Variants in SPHKAP observed in about 807,000 individuals in gnomAD.
SPHKAP encodes the protein A-kinase anchor protein SPHKAP.
Under a neutral mutation model 137.5 loss-of-function variants are expected in SPHKAP, and 67 were observed. That is an observed-to-expected ratio of 0.49 (90% CI 0.40 to 0.60). The LOEUF is 0.60. Among genes scored for constraint, SPHKAP ranks in the 20% least tolerant of loss-of-function variants. The pLI, the probability that SPHKAP is intolerant of heterozygous loss-of-function variation, is 0.00. For synonymous variants in SPHKAP, 813 were observed against 785.3 expected, an observed-to-expected ratio of 1.04 and a Z score of -0.59; for missense variants, 2,097 against 2,069.3, an observed-to-expected ratio of 1.01 and a Z score of -0.26.
chr2:228,094,621 G>A (rs1057441550), intron 3 of SPHKAP, among the ~76,000 whole-genome samples: 3 of 152,060 alleles, frequency 2.0e-5, no homozygotes, highest in Non-Finnish European at 2.9e-5. Flanking sequence ...GGCATTTTGC[G>A]TGCCGTTTAA....
chr2:228,011,229 CTTT>C (rs34531138), intron 7 of SPHKAP, among the ~76,000 whole-genome samples: 3,772 of 145,750 alleles, frequency 0.026, 110 homozygotes, highest in African/African-American at 0.073. Flanking sequence ...TCAAAGATGC[CTTT>C]TTTTTTTTTT....
In SPHKAP at chr2:228,018,355, T is replaced by C; in HGVS notation, c.2499A>G (p.Ile833Met). 1.2e-6 allele frequency: 2 copies of C among 1,614,194 alleles called. No homozygotes were observed. Among genetic ancestry groups the C allele is most frequent in the South Asian group, 1.1e-5 (1 of 91,084 alleles). ...SSTATTSSKEIYLKGIAGEDT... is the reference protein window; with the variant it reads ...SSTATTSSKEMYLKGIAGEDT... Reference sequence around the variant, plus strand: ...CCTCTCCTGCTATTCCTTTCAGATATATTTCCTTGGAGGATGTTGTAGCAG... The same window carrying C: ...CCTCTCCTGCTATTCCTTTCAGATACATTTCCTTGGAGGATGTTGTAGCAG... Residue 833 changes from isoleucine to methionine, a missense_variant, in exon 7 of 12, where the codon ATA becomes ATG. Coordinates refer to ENST00000392056, the MANE Select transcript of SPHKAP (RefSeq NM_001142644.2).
chr2:228,005,380 CT>C (rs1185935801), intron 7 of SPHKAP, among the ~76,000 whole-genome samples: 1 of 152,080 alleles, frequency 6.6e-6, no homozygotes, highest in East Asian at 1.9e-4. Flanking sequence ...TAACCCCTGC[CT>C]TTTTTTGTTT....
chr2:228,107,124 G>A (rs191610901), intron 3 of SPHKAP, among the ~76,000 whole-genome samples: 17 of 151,718 alleles, frequency 1.1e-4, no homozygotes, highest in Admixed American at 8.5e-4. Context: ...CATTTTTCAA[G>A]AATACAACAT....
At chr2:228,092,101 G>A (rs1361768832) in intron 3 of SPHKAP, among the ~76,000 whole-genome samples, 3 of 146,566 alleles carry the variant, frequency 2.0e-5, no homozygotes, top group Non-Finnish European at 3.0e-5. Flanking sequence ...GTGTATATAT[G>A]TATATATACA....
At chr2:228,033,057 T>A (rs967416204) in intron 3 of SPHKAP, among the ~76,000 whole-genome samples, 2 of 152,088 alleles carry the variant, frequency 1.3e-5, no homozygotes, top group Non-Finnish European at 2.9e-5. Flanking sequence ...ATGGGCTAAA[T>A]GCTCAAATTA....
chr2:228,020,701 GA>G (rs1407938448), intron 6 of SPHKAP, among the ~76,000 whole-genome samples: 1 of 151,966 alleles, frequency 6.6e-6, no homozygotes, highest in Non-Finnish European at 1.5e-5. Flanking sequence ...ATGTAGCCTA[GA>G]ACTTAAAGTA....
chr2:228,141,696 A>G (rs940099815), intron 1 of SPHKAP, among the ~76,000 whole-genome samples: 3 of 152,180 alleles, frequency 2.0e-5, no homozygotes, highest in Admixed American at 2.0e-4. Context: ...AGACAATACA[A>G]AGATGCAGCC....
At chr2:228,168,054 T>A (rs1700472224) in intron 1 of SPHKAP, among the ~76,000 whole-genome samples, 1 of 152,082 alleles carries the variant, frequency 6.6e-6, no homozygotes, top group South Asian at 2.1e-4. Context: ...CTAACAAAAC[T>A]TTAGCATTCT....
intron 1 of SPHKAP, among the ~76,000 whole-genome samples, chr2:228,163,728 G>T (rs747071520): frequency 6.6e-6 from 1 of 152,152 alleles, no homozygotes. Context: ...CTTCTTATTT[G>T]CATGACGTAT....
At chr2:228,144,710 C>T (rs1373716584) in intron 1 of SPHKAP, among the ~76,000 whole-genome samples, 1 of 152,062 alleles carries the variant, frequency 6.6e-6, no homozygotes, top group Non-Finnish European at 1.5e-5. Context: ...CTTAAGAGTT[C>T]TGAGGAAATT....
intron 1 of SPHKAP, among the ~76,000 whole-genome samples, chr2:228,157,903 C>G (rs1305300108): frequency 6.6e-6 from 1 of 152,112 alleles, no homozygotes; most frequent in Admixed American, 6.5e-5. Context: ...ACCAAGGAAA[C>G]AAGGCACCAA....
chr2:227,995,722 G>C (rs770422997), intron 7 of SPHKAP, 28 bp from the exon 8 acceptor site: 2 of 1,527,776 alleles, frequency 1.3e-6, no homozygotes, highest in Non-Finnish European at 1.7e-6. Flanking sequence ...TTATTACCAA[G>C]AGAGGCAGCA....
In SPHKAP at chr2:227,995,061, C is replaced by T. The variant is rs143572493; in HGVS notation, c.4634+448G>A. Among the ~76,000 whole-genome samples the T allele has an allele frequency of 3.9e-3, 601 of 152,272 alleles. 4 individuals carry two copies. The highest frequency in any genetic ancestry group is 0.014 in the African/African-American group (562 of 41,560). On this transcript the variant is annotated intron_variant, in intron 8 of 11. Coordinates refer to ENST00000392056, the MANE Select transcript of SPHKAP (RefSeq NM_001142644.2). The stretch of plus-strand genomic sequence containing the variant: ...CTCTAGCTTTTTGGGAGGAACAATA[C>T]AGAGGGCAGGGGAGATAGAGGGAGG...
chr2:228,081,593 T>G (rs1253666187), intron 3 of SPHKAP, among the ~76,000 whole-genome samples: 2 of 152,184 alleles, frequency 1.3e-5, no homozygotes, highest in Non-Finnish European at 2.9e-5. Context: ...GTATGTATAC[T>G]TAATGGAATA....
intron 2 of SPHKAP, among the ~76,000 whole-genome samples, chr2:228,127,138 G>T (rs910139438): frequency 6.6e-6 from 1 of 152,162 alleles, no homozygotes; most frequent in Non-Finnish European, 1.5e-5. Context: ...TGTGAAGAGT[G>T]GTGGTTTATC....
chr2:228,046,291 C>CTTTTTT (rs58510792), intron 3 of SPHKAP, among the ~76,000 whole-genome samples: 103 of 82,510 alleles, frequency 1.2e-3, no homozygotes, highest in South Asian at 1.5e-3. Flanking sequence ...TGTTGTTATT[C>CTTTTTT]TTTTTTTTTT....
intron 2 of SPHKAP, among the ~76,000 whole-genome samples, chr2:228,109,580 T>C (rs1698452064): frequency 1.3e-5 from 2 of 152,198 alleles, no homozygotes; most frequent in Admixed American, 6.5e-5. Context: ...ATTTCTGGTC[T>C]TGGATTCTTA....
At chr2:228,074,665 G>A (rs560459354) in intron 3 of SPHKAP, among the ~76,000 whole-genome samples, 1 of 152,186 alleles carries the variant, frequency 6.6e-6, no homozygotes, top group South Asian at 2.1e-4. Flanking sequence ...ATCAGCCCAC[G>A]AGAAAATTAA....
Sources: gnomAD v4.1 joint callset for allele counts (sites outside exome capture counted in the v4.1 genomes callset) on GRCh38, gnomAD v4.1.1 for gene constraint, MANE v1.5 for transcripts, NCBI Gene and HGNC (gene_info 2026-07-23, HGNC 2026-07-21) for gene names.